TTLL12: variants seen among roughly 807,000 people sequenced by gnomAD.
TTLL12 encodes tubulin--tyrosine ligase-like protein 12.
TTLL12 carries 77 observed loss-of-function variants against 79.6 expected under a neutral mutation model. The ratio of observed to expected loss-of-function variants is 0.97; its 90% confidence interval spans 0.81 to 1.17. TTLL12 has a LOEUF of 1.17. Among genes scored for constraint, TTLL12 ranks in the 50% most tolerant of loss-of-function variants. The probability of loss-of-function intolerance (pLI) is 0.00; values close to 1 mark genes in which losing one functional copy is unlikely to be tolerated. For synonymous variants in TTLL12, 437 were observed against 376.1 expected (o/e 1.16, Z -1.87); for missense variants, 969 against 895.9 (o/e 1.08, Z -1.04).
chr22:43,167,280 TG>T lies in TTLL12; in HGVS notation c.*727del, dbSNP rs1931640816. 4.1e-6 allele frequency: 2 copies of T among 489,256 alleles called. No homozygotes were observed. The highest frequency in any genetic ancestry group is 3.1e-5 in the South Asian group (2 of 65,074). The allele number at this position is 489,256 out of a possible 1,614,324, so 30.3% of individuals were successfully genotyped here. A position where few individuals can be genotyped will look rare whatever the true frequency, so the allele number is the denominator to read the frequency against. On this transcript the variant is annotated 3_prime_UTR_variant, in exon 14 of 14. Transcript: ENST00000216129. ...AGTGCCCGGCGAGCAGGGCAACCAC[TG>T]GGAAGACAGATACTGATTTCCCTGT...
chr22:43,183,045 C>T lies in TTLL12; in HGVS notation c.282G>A (p.Gly94=). ...REVRKQQPNP[G]NELCYKVIVT... ...CGATGACCTTGTAGCACAGCTCGTT[C>T]CCCGGGTTGGGCTGCTGCTTCCGCA... The change falls in exon 2 of 14, where the codon GGG becomes GGA. Residue 94 remains glycine, a synonymous_variant. Coordinates refer to ENST00000216129, the MANE Select transcript of TTLL12 (RefSeq NM_015140.4). 1.2e-6 allele frequency: 2 copies of T among 1,613,988 alleles called. No individual in the cohort carries two copies. Among genetic ancestry groups the T allele is most frequent in the Non-Finnish European group, 8.5e-7 (1 of 1,179,962 alleles).
intron 6 of TTLL12, chr22:43,175,136 AG>A (rs1429548767): frequency 6.6e-6 from 1 of 152,548 alleles, no homozygotes. Flanking sequence ...GGCCCGGTGG[AG>A]GGGGCAGAGT....
intron 2 of TTLL12, 55 bp from the exon 3 acceptor site, chr22:43,180,995 G>C (rs990753042): frequency 1.3e-6 from 2 of 1,566,988 alleles, no homozygotes; most frequent in Non-Finnish European, 1.7e-6. Flanking sequence ...GCAAAGGGAA[G>C]TCGGGGGAGC....
At chr22:43,174,733 G>T in intron 6 of TTLL12, 118 bp from the exon 7 acceptor site, 1 of 750,634 alleles carries the variant, frequency 1.3e-6, no homozygotes, top group Non-Finnish European at 2.1e-6. Flanking sequence ...GCAGAGGCAA[G>T]TCCTGGGTTC....
chr22:43,173,823 G>A lies in TTLL12; in HGVS notation c.1233C>T (p.Gly411=), dbSNP rs769529711. 13 of 1,602,382 alleles carry A rather than the reference G, an allele frequency of 8.1e-6. No homozygotes were observed. The highest frequency in any genetic ancestry group is 1.1e-5 in the South Asian group (1 of 90,968). ...VSYFQQRERW[G]EDNHWICKPW... ...GCTTGCAGATCCAGTGGTTGTCCTC[G>A]CCCCTGGGGAGCAGAAGGGCTGTCT... The change falls in exon 9 of 14, where the codon GGC becomes GGT. Residue 411 remains glycine (G), a synonymous_variant. Transcript: ENST00000216129.
intron 5 of TTLL12, among the ~76,000 whole-genome samples, chr22:43,178,016 A>C (rs1931957772): frequency 6.6e-6 from 1 of 152,150 alleles, no homozygotes; most frequent in Non-Finnish European, 1.5e-5. Flanking sequence ...GGAAAAACAC[A>C]AACTTTAGTT....
chr22:43,185,377 T>G (rs1405005781), intron 1 of TTLL12, among the ~76,000 whole-genome samples: 1 of 147,858 alleles, frequency 6.8e-6, no homozygotes, highest in Non-Finnish European at 1.5e-5. Context: ...TGGCCAGGGG[T>G]GTAAGGGCCC....
chr22:43,180,493 A>AG (rs1047101974), intron 3 of TTLL12, among the ~76,000 whole-genome samples: 2 of 152,092 alleles, frequency 1.3e-5, no homozygotes, highest in Non-Finnish European at 2.9e-5. Context: ...TGACAGAATC[A>AG]GGGGGGCCAG....
At chr22:43,185,657 C>T (rs1932166897) in intron 1 of TTLL12, among the ~76,000 whole-genome samples, 1 of 152,344 alleles carries the variant, frequency 6.6e-6, no homozygotes, top group East Asian at 1.9e-4. Context: ...TCCCATCCTT[C>T]CAATACTGTG....
At chr22:43,169,133 G>A (rs908651097) in intron 12 of TTLL12, among the ~76,000 whole-genome samples, 3 of 152,150 alleles carry the variant, frequency 2.0e-5, no homozygotes, top group Admixed American at 6.5e-5. Context: ...CGCAGACCCC[G>A]TTGCTCCCCA....
chr22:43,171,772 GCC>G, intron 11 of TTLL12, 45 bp downstream of exon 11: 1 of 1,562,800 alleles, frequency 6.4e-7, no homozygotes, highest in Non-Finnish European at 8.8e-7. Context: ...GGTCGGGTGT[GCC>G]CTGGCCTCTG....
chr22:43,176,570 G>A (rs1032525917), intron 5 of TTLL12, among the ~76,000 whole-genome samples, 174 bp from the exon 6 acceptor site: 2 of 151,730 alleles, frequency 1.3e-5, no homozygotes, highest in African/African-American at 2.4e-5. Context: ...ACTCTACTAA[G>A]AATATAAAAA....
rs772971087 is a variant in TTLL12 at position 43,174,396 on chromosome 22, T to C, written c.1042A>G (p.Ser348Gly). The C allele has an allele frequency of 1.9e-6, 3 of 1,561,622 alleles. No individual in the cohort carries two copies. The South Asian group carries it at 3.6e-5, about 18-fold the overall frequency. The part of the protein sequence containing the change: ...FSHFKDYRKL[S>G]QERPGVLLNQ... ...AGCAGCACGCCTGGCCTCTCCTGGC[T>C]GAGTTTCCTGCAGGGCGGAGGCAGG... The change falls in exon 8 of 14, where the codon AGC becomes GGC. Residue 348 changes from serine (S) to glycine (G), a missense_variant. Transcript: ENST00000216129.
intron 11 of TTLL12, 134 bp downstream of exon 11, chr22:43,171,685 A>G (rs1601767667): frequency 1.5e-6 from 1 of 670,728 alleles, no homozygotes; most frequent in Non-Finnish European, 2.6e-6. Context: ...ATCGCCTTCC[A>G]TAGCAGGAAC....
Position 43,173,598 on chromosome 22 carries a change from C to T in TTLL12, c.1341+117G>A, listed in dbSNP as rs6003094. 2.2e-3 allele frequency: 2,045 copies of T among 945,948 alleles called. 38 individuals are homozygous for T. In the African/African-American group the frequency reaches 0.03, roughly 14 times the overall value. The allele number at this position is 945,948 out of a possible 1,614,324, so 58.6% of individuals were successfully genotyped here. A position where few individuals can be genotyped will look rare whatever the true frequency, so the allele number is the denominator to read the frequency against. On this transcript the variant is annotated intron_variant, in intron 9 of 13. Coordinates refer to ENST00000216129, the MANE Select transcript of TTLL12 (RefSeq NM_015140.4). ...AGAGTGCTGAGATTACAGGTGTAAG[C>T]CACCCTGCCCAGCCTGGACCTGTCC...
intron 8 of TTLL12, 32 bp downstream of exon 8, chr22:43,174,177 T>C (rs779157460): frequency 1.1e-5 from 18 of 1,592,040 alleles, no homozygotes; most frequent in African/African-American, 2.7e-5. Flanking sequence ...AAAAGGGCCA[T>C]GGAGCACACC....
intron 1 of TTLL12, among the ~76,000 whole-genome samples, chr22:43,184,614 T>C (rs1038585295): frequency 6.6e-6 from 1 of 152,218 alleles, no homozygotes; most frequent in African/African-American, 2.4e-5. Flanking sequence ...ACAAGAGCCA[T>C]CCAGTTCTCC....
In TTLL12 at chr22:43,172,161, C is replaced by T. The variant is rs573922568; in HGVS notation, c.1493+242G>A. On this transcript the variant is annotated intron_variant, in intron 10 of 13. Coordinates refer to ENST00000216129, the MANE Select transcript of TTLL12 (RefSeq NM_015140.4). ...TGGCACCTGGTTCTCATGTTGGTGC[C>T]CATTTTACAAAGAATGTTCACATCC... Among the ~76,000 whole-genome samples the T allele has an allele frequency of 2.2e-3, 339 of 152,264 alleles. 1 individual carries two copies. Among genetic ancestry groups the T allele is most frequent in the African/African-American group, 7.9e-3 (330 of 41,548 alleles).
At position 43,176,317 on chromosome 22, in the gene TTLL12, C is replaced by T. The variant is rs751505362; in HGVS notation, c.917+3G>A. On this transcript the variant is annotated splice_donor_region_variant and intron_variant, in intron 6 of 13. Transcript: ENST00000216129. Reference sequence around the variant, plus strand: ...GCCCAAGCAGTGGGGGGGGGCTACGCACTTGAAGATGTGGCCGTGGGGGTG... The same window carrying T: ...GCCCAAGCAGTGGGGGGGGGCTACGTACTTGAAGATGTGGCCGTGGGGGTG... 6 of 1,588,012 alleles carry T rather than the reference C, an allele frequency of 3.8e-6. No individual in the cohort carries two copies. In the African/African-American group the frequency reaches 5.4e-5, roughly 14 times the overall value.
Sources: allele counts gnomAD v4.1 joint callset (sites outside exome capture counted in the v4.1 genomes callset), GRCh38; gene constraint gnomAD v4.1.1; transcripts MANE v1.5; gene names NCBI Gene and HGNC (gene_info 2026-07-23, HGNC 2026-07-21).